The following SLC2A13 variants were observed in gnomAD, a reference collection of about 807,000 sequenced individuals.
The protein encoded by SLC2A13 is solute carrier family 2 member 13, also known as proton myo-inositol cotransporter.
In SLC2A13, 32 loss-of-function variants were observed where a neutral mutation model predicts 64.4. That is an observed-to-expected ratio of 0.50 (90% CI 0.37 to 0.67). The LOEUF (loss-of-function observed/expected upper bound fraction) is 0.67, where lower values mean the gene tolerates loss of function less well. SLC2A13 is among the 30% of genes least tolerant of loss of function. SLC2A13 has a pLI of 0.00. For synonymous variants in SLC2A13, 338 were observed against 327.1 expected, an observed-to-expected ratio of 1.03 and a Z score of -0.36; for missense variants, 743 against 829.2, an observed-to-expected ratio of 0.90 and a Z score of 1.28.
At chr12:40,010,869 T>A (rs1947519378) in intron 3 of SLC2A13, among the ~76,000 whole-genome samples, 1 of 152,214 alleles carries the variant, frequency 6.6e-6, no homozygotes, top group Non-Finnish European at 1.5e-5. Flanking sequence ...CAGGGCGTCC[T>A]GGAAAGTCAT....
chr12:39,984,410 G>C (rs961357594), intron 3 of SLC2A13, among the ~76,000 whole-genome samples: 24 of 152,126 alleles, frequency 1.6e-4, no homozygotes, highest in African/African-American at 5.8e-4. Flanking sequence ...TAATAAAAGA[G>C]ACGGAAATAA....
intron 3 of SLC2A13, among the ~76,000 whole-genome samples, chr12:40,000,380 A>C (rs1481957271): frequency 6.6e-6 from 1 of 152,166 alleles, no homozygotes; most frequent in Non-Finnish European, 1.5e-5. Flanking sequence ...ACCCTCTACT[A>C]AATTTAAACT....
chr12:39,999,615 T>C (rs2136179991), intron 3 of SLC2A13, among the ~76,000 whole-genome samples: 1 of 152,312 alleles, frequency 6.6e-6, no homozygotes. Context: ...TTCTGTTGTT[T>C]GTTTATCAAG....
chr12:39,918,120 A>G (rs1945550545), intron 4 of SLC2A13, among the ~76,000 whole-genome samples: 2 of 152,110 alleles, frequency 1.3e-5, no homozygotes, highest in African/African-American at 2.4e-5. Context: ...CATCTAGATA[A>G]TACTGACCAA....
intron 4 of SLC2A13, among the ~76,000 whole-genome samples, chr12:39,908,794 A>T (rs1327599743): frequency 6.6e-6 from 1 of 152,000 alleles, no homozygotes; most frequent in East Asian, 1.9e-4. Context: ...GGTAAAAAGC[A>T]GGGTTTGGTA....
intron 4 of SLC2A13, among the ~76,000 whole-genome samples, chr12:39,896,437 CATAT>C (rs1491401315): frequency 1.4e-4 from 17 of 122,950 alleles, no homozygotes; most frequent in African/African-American, 4.3e-4. Flanking sequence ...TATATGTATA[CATAT>C]ATGTATATGT....
intron 1 of SLC2A13, among the ~76,000 whole-genome samples, chr12:40,074,942 G>A (rs922811054): frequency 2.6e-5 from 4 of 152,160 alleles, no homozygotes; most frequent in African/African-American, 9.7e-5. Context: ...GAGGGTAGAG[G>A]AGTTTAATAT....
intron 4 of SLC2A13, chr12:39,908,444 T>G (rs1945348712): frequency 6.6e-6 from 1 of 151,936 alleles, no homozygotes; most frequent in African/African-American, 2.4e-5. Context: ...GTGTTATGAG[T>G]ACAGAGGAAA....
chr12:39,768,093 C>T (rs1456853366), intron 7 of SLC2A13, among the ~76,000 whole-genome samples: 1 of 152,088 alleles, frequency 6.6e-6, no homozygotes, highest in Non-Finnish European at 1.5e-5. Flanking sequence ...CACTTGCTGC[C>T]TCACCTTGCA....
chr12:39,856,887 G>A (rs1013907250), intron 6 of SLC2A13, among the ~76,000 whole-genome samples: 6 of 152,096 alleles, frequency 3.9e-5, no homozygotes, highest in Admixed American at 1.3e-4. Context: ...TAGGGGCCTT[G>A]TTTCATATTT....
At chr12:39,971,917 G>A (rs1438459250) in intron 3 of SLC2A13, among the ~76,000 whole-genome samples, 1 of 148,402 alleles carries the variant, frequency 6.7e-6, no homozygotes, top group Non-Finnish European at 1.5e-5. Context: ...GGAGGTTGCA[G>A]TGAGCTGAGA....
At chr12:40,096,797 T>C (rs900129023) in intron 1 of SLC2A13, among the ~76,000 whole-genome samples, 10 of 152,142 alleles carry the variant, frequency 6.6e-5, no homozygotes, top group Non-Finnish European at 2.9e-5. Context: ...AACTACTGTC[T>C]TACTACTGTT....
chr12:39,902,537 TA>T (rs1464613232), intron 4 of SLC2A13, among the ~76,000 whole-genome samples: 1 of 152,032 alleles, frequency 6.6e-6, no homozygotes, highest in African/African-American at 2.4e-5. Context: ...CTCATGTTTT[TA>T]AGCACTACCA....
intron 4 of SLC2A13, among the ~76,000 whole-genome samples, chr12:39,925,240 G>A (rs1592288329): frequency 1.3e-5 from 2 of 151,868 alleles, no homozygotes; most frequent in African/African-American, 2.4e-5. Flanking sequence ...TCACCATATC[G>A]TCAGGCTAGT....
intron 3 of SLC2A13, among the ~76,000 whole-genome samples, chr12:40,000,901 C>G (rs1262129140): frequency 2.6e-5 from 4 of 152,142 alleles, no homozygotes; most frequent in Non-Finnish European, 5.9e-5. Flanking sequence ...ACTACTTAAT[C>G]CCAGTGGAAC....
At chr12:39,858,315 G>A (rs1027968262) in intron 6 of SLC2A13, among the ~76,000 whole-genome samples, 1 of 151,832 alleles carries the variant, frequency 6.6e-6, no homozygotes, top group East Asian at 1.9e-4. Context: ...ATCTCCAATG[G>A]GTCTGTAGAT....
chr12:40,009,223 T>A (rs1947478920), intron 3 of SLC2A13, among the ~76,000 whole-genome samples: 1 of 152,176 alleles, frequency 6.6e-6, no homozygotes, highest in South Asian at 2.1e-4. Context: ...TAGCTTTATC[T>A]GTCCTGTTCT....
At chr12:39,863,144 G>A (rs1009551725) in intron 6 of SLC2A13, among the ~76,000 whole-genome samples, 16 of 152,162 alleles carry the variant, frequency 1.1e-4, no homozygotes, top group African/African-American at 3.4e-4. Context: ...TTTGTAATAA[G>A]AATAAAGGTA....
intron 6 of SLC2A13, among the ~76,000 whole-genome samples, chr12:39,849,899 C>T (rs1315513715): frequency 6.6e-6 from 1 of 151,888 alleles, no homozygotes; most frequent in African/African-American, 2.4e-5. Context: ...TTTTAAAATA[C>T]TCTTTCAGGG....
Sources: gnomAD v4.1 joint callset for allele counts (sites outside exome capture counted in the v4.1 genomes callset) on GRCh38, gnomAD v4.1.1 for gene constraint, MANE v1.5 for transcripts, NCBI Gene and HGNC (gene_info 2026-07-23, HGNC 2026-07-21) for gene names.